The following CCDC171 variants were observed in gnomAD, a reference collection of about 807,000 sequenced individuals.
CCDC171 encodes coiled-coil domain containing 171.
A neutral mutation model predicts 168.2 loss-of-function variants in CCDC171; 177 were observed. That is an observed-to-expected ratio of 1.05 (90% CI 0.93 to 1.19). The LOEUF (loss-of-function observed/expected upper bound fraction) is 1.19, where lower values mean the gene tolerates loss of function less well. Ranked by LOEUF, CCDC171 falls within the 50% of genes most tolerant of loss-of-function variation. The pLI is 0.00. For synonymous variants in CCDC171, 687 were observed against 540.8 expected, an observed-to-expected ratio of 1.27 and a Z score of -3.75; for missense variants, 1,991 against 1,539.0, an observed-to-expected ratio of 1.29 and a Z score of -4.91.
intron 1 of CCDC171, among the ~76,000 whole-genome samples, chr9:16,048,290 A>G (rs1564134826): frequency 6.6e-6 from 1 of 152,002 alleles, no homozygotes; most frequent in East Asian, 1.9e-4. Flanking sequence ...TACAGATGGC[A>G]CTCTGCATGG....
chr9:15,678,744 CT>C lies in CCDC171; in HGVS notation c.1077-11del. 1 of 1,575,096 alleles carries C rather than the reference CT, an allele frequency of 6.3e-7. No individual in the cohort carries two copies. The highest frequency in any genetic ancestry group is 8.6e-7 in the Non-Finnish European group (1 of 1,168,358). ...CATGTTTGAAAAACCTGCTCTGACACTTTAACTTTTCAGATTAGAAAAAGAG... is the reference window on the plus strand; with the variant it reads ...CATGTTTGAAAAACCTGCTCTGACACTTAACTTTTCAGATTAGAAAAAGAG... On this transcript the variant is annotated splice_polypyrimidine_tract_variant and intron_variant, in intron 9 of 25. Coordinates refer to ENST00000380701, the MANE Select transcript of CCDC171 (RefSeq NM_173550.4).
chr9:15,783,011 C>G (rs142704060), intron 20 of CCDC171, among the ~76,000 whole-genome samples: 2 of 152,222 alleles, frequency 1.3e-5, no homozygotes, highest in East Asian at 3.9e-4. Flanking sequence ...TTATGCTACA[C>G]TATTGGCTTT....
At chr9:15,975,978 A>G (rs747506658), downstream of CCDC171, among the ~76,000 whole-genome samples, 1 of 152,090 alleles carries the variant, frequency 6.6e-6, no homozygotes, top group Non-Finnish European at 1.5e-5. Flanking sequence ...TAGTTTGACT[A>G]TGGAGAGGAA....
chr9:15,612,880 T>G (rs1304926819), intron 6 of CCDC171, among the ~76,000 whole-genome samples: 2 of 152,216 alleles, frequency 1.3e-5, no homozygotes, highest in South Asian at 4.1e-4. Context: ...AGGACTGAAC[T>G]TCTGTATTTC....
chr9:15,573,331 A>G (rs1378895373), intron 3 of CCDC171, among the ~76,000 whole-genome samples: 1 of 151,652 alleles, frequency 6.6e-6, no homozygotes, highest in Non-Finnish European at 1.5e-5. Context: ...GCTGGAGTGC[A>G]GTGGAGCGAT....
At chr9:15,885,715 C>T (rs1819306670) in intron 24 of CCDC171, 1 of 152,144 alleles carries the variant, frequency 6.6e-6, no homozygotes, top group Non-Finnish European at 1.5e-5. Flanking sequence ...CAAATTGATG[C>T]CGCTTATATA....
At chr9:16,063,833 G>A (rs11789332), downstream of CCDC171, among the ~76,000 whole-genome samples, 1 of 152,118 alleles carries the variant, frequency 6.6e-6, no homozygotes, top group Non-Finnish European at 1.5e-5. Flanking sequence ...AAGAAGTCAA[G>A]TGACTCACCC....
At chr9:15,805,641 A>C (rs900615931) in intron 21 of CCDC171, among the ~76,000 whole-genome samples, 3 of 151,882 alleles carry the variant, frequency 2.0e-5, no homozygotes, top group African/African-American at 7.3e-5. Flanking sequence ...TTGCATTTGC[A>C]TTTGCTGAGC....
intron 6 of CCDC171, among the ~76,000 whole-genome samples, chr9:15,598,332 G>C (rs1290591767): frequency 1.3e-5 from 2 of 151,958 alleles, no homozygotes; most frequent in African/African-American, 4.8e-5. Flanking sequence ...GTGTCCCAGA[G>C]ATTCTGGTAT....
intron 6 of CCDC171, 51 bp from the exon 7 acceptor site, chr9:15,623,216 G>C (rs752731681): frequency 2.8e-6 from 4 of 1,408,352 alleles, no homozygotes; most frequent in Non-Finnish European, 3.8e-6. Context: ...GTGACTCTTA[G>C]TCATTGATGG....
chr9:15,717,720 G>T (rs1160770168), intron 11 of CCDC171, among the ~76,000 whole-genome samples: 1 of 152,162 alleles, frequency 6.6e-6, no homozygotes, highest in African/African-American at 2.4e-5. Context: ...GACATTTCTA[G>T]ACACACCCTT....
chr9:15,628,910 C>T (rs1224655983), intron 7 of CCDC171, among the ~76,000 whole-genome samples: 2 of 152,218 alleles, frequency 1.3e-5, no homozygotes, highest in African/African-American at 4.8e-5. Context: ...TGCTGGTACC[C>T]AGGCAAACAG....
chr9:16,079,063 G>A, the CCDC171 span, among the ~76,000 whole-genome samples: 1 of 152,214 alleles, frequency 6.6e-6, no homozygotes, highest in South Asian at 2.1e-4. Context: ...ATAAGGCCAA[G>A]TTAAGTTCCT....
At chr9:15,804,469 T>TG (rs1023427891) in intron 21 of CCDC171, among the ~76,000 whole-genome samples, 1 of 151,710 alleles carries the variant, frequency 6.6e-6, no homozygotes, top group African/African-American at 2.4e-5. Context: ...GGCCTTTTTT[T>TG]TTTGCATCTA....
At chr9:15,618,585 G>T (rs991030523) in intron 6 of CCDC171, among the ~76,000 whole-genome samples, 8 of 152,328 alleles carry the variant, frequency 5.3e-5, no homozygotes, top group African/African-American at 1.9e-4. Flanking sequence ...AACTCCTGCA[G>T]CTTGGTGTCT....
intron 21 of CCDC171, among the ~76,000 whole-genome samples, chr9:15,805,462 C>G (rs1588610697): frequency 6.6e-6 from 1 of 152,192 alleles, no homozygotes; most frequent in East Asian, 1.9e-4. Context: ...TCATTAGTTT[C>G]AAAGAACTTC....
chr9:16,045,540 G>C (rs933023966), intron 1 of CCDC171, among the ~76,000 whole-genome samples: 1 of 152,108 alleles, frequency 6.6e-6, no homozygotes. Context: ...TACTCCCAGG[G>C]GGACAAAACT....
chr9:15,785,372 A>T (rs2057888808), intron 21 of CCDC171, among the ~76,000 whole-genome samples: 1 of 152,156 alleles, frequency 6.6e-6, no homozygotes. Flanking sequence ...TATAGCCACT[A>T]TATAGGATAT....
chr9:15,777,550 G>C (rs766521880), intron 18 of CCDC171, 50 bp from the exon 19 acceptor site: 1 of 1,099,114 alleles, frequency 9.1e-7, no homozygotes, highest in South Asian at 1.4e-5. Context: ...GTTGTGAAAT[G>C]CACAAGAGAC....
Sources: allele counts gnomAD v4.1 joint callset (sites outside exome capture counted in the v4.1 genomes callset), GRCh38; gene constraint gnomAD v4.1.1; transcripts MANE v1.5; gene names NCBI Gene and HGNC (gene_info 2026-07-23, HGNC 2026-07-21).